COL11A1: variants seen among roughly 807,000 people sequenced by gnomAD.
The protein encoded by COL11A1 is collagen type XI alpha 1 chain.
Under a neutral mutation model 265.2 loss-of-function variants are expected in COL11A1, and 74 were observed. The ratio of observed to expected loss-of-function variants is 0.28; its 90% CI spans 0.23 to 0.34. COL11A1 has a LOEUF of 0.34. COL11A1 is among the 10% of genes least tolerant of loss of function. COL11A1 has a pLI of 1.00. For synonymous variants in COL11A1, 816 were observed against 727.6 expected (o/e 1.12, Z -1.96); for missense variants, 2,165 against 2,263.6 (o/e 0.96, Z 0.88).
intron 2 of COL11A1, among the ~76,000 whole-genome samples, chr1:103,081,955 A>G (rs1457390192): frequency 6.6e-6 from 1 of 151,996 alleles, no homozygotes; most frequent in Non-Finnish European, 1.5e-5. Flanking sequence ...GAGAACACCC[A>G]TCAACTGACC....
intron 41 of COL11A1, among the ~76,000 whole-genome samples, chr1:102,950,990 G>A (rs1047638334): frequency 4.6e-5 from 7 of 152,102 alleles, no homozygotes; most frequent in African/African-American, 1.7e-4. Flanking sequence ...AAGGTGCCTT[G>A]CTTCCCCTTT....
At chr1:103,103,560 C>G (rs1320952753) in intron 1 of COL11A1, among the ~76,000 whole-genome samples, 1 of 151,878 alleles carries the variant, frequency 6.6e-6, no homozygotes, top group Non-Finnish European at 1.5e-5. Context: ...TAACTATTTT[C>G]TATTTAAATT....
At chr1:102,880,365 A>G (rs1012131400) in intron 65 of COL11A1, among the ~76,000 whole-genome samples, 5 of 152,186 alleles carry the variant, frequency 3.3e-5, no homozygotes, top group South Asian at 4.1e-4. Context: ...TTCAAAATGT[A>G]TCAACTTTAC....
intron 39 of COL11A1, among the ~76,000 whole-genome samples, 171 bp downstream of exon 39, chr1:102,962,482 G>A (rs757533028): frequency 6.6e-5 from 10 of 152,094 alleles, no homozygotes; most frequent in East Asian, 1.9e-4. Context: ...CGGAGCTAAC[G>A]GTCTTATATA....
intron 30 of COL11A1, among the ~76,000 whole-genome samples, chr1:102,986,163 C>A (rs7532757): frequency 0.63 from 94,851 of 151,576 alleles, 31,448 homozygotes; most frequent in East Asian, 0.91. Flanking sequence ...TGGAACCAAC[C>A]CAAATGTTCA....
intron 31 of COL11A1, among the ~76,000 whole-genome samples, chr1:102,980,463 C>T (rs772855771): frequency 5.3e-5 from 8 of 152,034 alleles, no homozygotes; most frequent in Non-Finnish European, 1.0e-4. Context: ...ATCCTTGCTG[C>T]TCAACTTGTT....
At chr1:103,094,329 G>T (rs151274253) in intron 1 of COL11A1, among the ~76,000 whole-genome samples, 2 of 152,084 alleles carry the variant, frequency 1.3e-5, no homozygotes, top group African/African-American at 4.8e-5. Flanking sequence ...AGACAATCTG[G>T]CAGAAGTGGT....
At position 103,025,513 on chromosome 1, in the gene COL11A1, C is replaced by A. The variant is rs756299328; in HGVS notation, c.990+8G>T. ...GGACTGTGATTTAATACTGTCTATA[C>A]GTATTACCTCATTTGTCCCAGAAAC... On this transcript the variant is annotated splice_region_variant and intron_variant, in intron 7 of 66. Transcript: ENST00000370096. 6.4e-7 allele frequency: 1 copy of A among 1,574,728 alleles called. No homozygotes were observed. The highest frequency in any genetic ancestry group is 1.1e-5 in the South Asian group (1 of 90,194).
chr1:102,910,033 A>G (rs183474262), intron 54 of COL11A1, among the ~76,000 whole-genome samples: 2 of 152,134 alleles, frequency 1.3e-5, no homozygotes, highest in Admixed American at 1.3e-4. Flanking sequence ...ATAGCTTCAC[A>G]CAACAGTTTA....
intron 24 of COL11A1, chr1:103,001,503 C>A: frequency 2.3e-6 from 1 of 430,278 alleles, no homozygotes; most frequent in Non-Finnish European, 4.1e-6. Flanking sequence ...ACATCATTTG[C>A]TATTCATATA....
intron 65 of COL11A1, 118 bp from the exon 66 acceptor site, chr1:102,880,034 A>T: frequency 1.4e-6 from 1 of 697,724 alleles, no homozygotes; most frequent in Non-Finnish European, 2.5e-6. Flanking sequence ...GAATCAAAAG[A>T]CCCACCTTAA....
rs1423868983 is a variant in COL11A1 at position 103,021,715 on chromosome 1, C to T, written c.1300G>A (p.Val434Ile). ...EKGQKGEPAVVEPGMLVEGPP... is the reference protein window; with the variant it reads ...EKGQKGEPAVIEPGMLVEGPP... ...TTCACACTACTACTTACAGGCTCAACCACTGCTGGTTCTCCTTTCTGTCCT... is the reference window on the plus strand; with the variant it reads ...TTCACACTACTACTTACAGGCTCAATCACTGCTGGTTCTCCTTTCTGTCCT... The change falls in exon 9 of 67, where the codon GTT becomes ATT. Residue 434 changes from valine to isoleucine, a missense_variant. Coordinates refer to ENST00000370096, the MANE Select transcript of COL11A1 (RefSeq NM_001854.4). 4 of 1,611,136 alleles carry T rather than the reference C, an allele frequency of 2.5e-6. No homozygotes were observed. The highest frequency in any genetic ancestry group is 3.4e-6 in the Non-Finnish European group (4 of 1,177,300).
chr1:103,005,388 A>C (rs1665501828), intron 18 of COL11A1, among the ~76,000 whole-genome samples: 2 of 152,144 alleles, frequency 1.3e-5, no homozygotes, highest in Non-Finnish European at 2.9e-5. Flanking sequence ...CCTTGTACTG[A>C]AAGTTTTTAC....
At chr1:103,023,510 A>T (rs148784846) in intron 7 of COL11A1, among the ~76,000 whole-genome samples, 1 of 152,010 alleles carries the variant, frequency 6.6e-6, no homozygotes, top group African/African-American at 2.4e-5. Flanking sequence ...GGCATGCACC[A>T]CCATGCCTGG....
intron 42 of COL11A1, among the ~76,000 whole-genome samples, chr1:102,940,740 C>G (rs1311491847): frequency 6.6e-6 from 1 of 152,074 alleles, no homozygotes; most frequent in Non-Finnish European, 1.5e-5. Flanking sequence ...CTTTGCTGAG[C>G]CTCTTCTCCC....
At chr1:102,881,795 G>C (rs1410497818) in intron 64 of COL11A1, 30 bp from the exon 65 acceptor site, 4 of 1,558,356 alleles carry the variant, frequency 2.6e-6, no homozygotes, top group Non-Finnish European at 3.5e-6. Context: ...AAGTTAGTGA[G>C]TAGGTGAAAA....
chr1:103,006,464 C>A, intron 15 of COL11A1, 149 bp from the exon 16 acceptor site: 1 of 384,746 alleles, frequency 2.6e-6, no homozygotes, highest in Non-Finnish European at 4.5e-6. Context: ...TGTAAAAGTT[C>A]AGATAAAGCA....
intron 57 of COL11A1, among the ~76,000 whole-genome samples, chr1:102,895,491 G>A (rs1335882139): frequency 6.6e-6 from 1 of 152,070 alleles, no homozygotes; most frequent in East Asian, 1.9e-4. Flanking sequence ...GACCCAATAG[G>A]TACTTGTGGA....
intron 41 of COL11A1, among the ~76,000 whole-genome samples, chr1:102,960,934 CA>C (rs1186318229): frequency 1.3e-5 from 2 of 151,792 alleles, no homozygotes; most frequent in African/African-American, 2.4e-5. Context: ...GAAAATGAAT[CA>C]AAAGATAAGA....
Sources: allele counts gnomAD v4.1 joint callset (sites outside exome capture counted in the v4.1 genomes callset), GRCh38; gene constraint gnomAD v4.1.1; transcripts MANE v1.5; gene names NCBI Gene and HGNC (gene_info 2026-07-23, HGNC 2026-07-21).